Variants in LATS1 observed in about 807,000 individuals in gnomAD.
LATS1 encodes the protein large tumor suppressor kinase 1.
A neutral mutation model predicts 106.6 loss-of-function variants in LATS1; 25 were observed. The observed-to-expected ratio is 0.23, with a 90% CI of 0.17 to 0.33. The LOEUF is 0.33. Ranked by LOEUF, LATS1 falls within the 10% of genes least tolerant of loss-of-function variation. LATS1 has a pLI of 1.00. For missense variants in LATS1, 1,040 were observed against 1,382.6 expected, an observed-to-expected ratio of 0.75 and a Z score of 3.93; for synonymous variants, 465 against 455.6, an observed-to-expected ratio of 1.02 and a Z score of -0.26.
chr6:149,689,265 G>A (rs914525635), intron 3 of LATS1, among the ~76,000 whole-genome samples: 1 of 152,000 alleles, frequency 6.6e-6, no homozygotes, highest in Non-Finnish European at 1.5e-5. Flanking sequence ...TAAATGAAGG[G>A]GGAAAGTGGT....
intron 7 of LATS1, among the ~76,000 whole-genome samples, chr6:149,672,039 C>A (rs1241960728): frequency 6.6e-6 from 1 of 151,446 alleles, no homozygotes; most frequent in Non-Finnish European, 1.5e-5. Flanking sequence ...CAGGTGTGTG[C>A]AGCCACACCC....
chr6:149,672,048 C>A (rs961021321), intron 7 of LATS1, among the ~76,000 whole-genome samples: 7 of 151,548 alleles, frequency 4.6e-5, no homozygotes, highest in Non-Finnish European at 1.0e-4. Context: ...GCAGCCACAC[C>A]CAGCTAATTT....
chr6:149,693,339 C>T (rs189072114), intron 3 of LATS1, among the ~76,000 whole-genome samples: 17 of 150,100 alleles, frequency 1.1e-4, no homozygotes, highest in Admixed American at 7.3e-4. Flanking sequence ...AGGCCAGGCG[C>T]GGTGGCTCAT....
At position 149,670,685 on chromosome 6, in the gene LATS1, C is replaced by T. The variant is rs111693514; in HGVS notation, c.2883+5575G>A. 7.7e-3 allele frequency among the ~76,000 whole-genome samples: 1,178 copies of T among 152,148 alleles called. 9 individuals carry two copies. Among genetic ancestry groups the T allele is most frequent in the Middle Eastern group, 0.027 (8 of 294 alleles). On this transcript the variant is annotated intron_variant, in intron 7 of 7. Transcript: ENST00000543571. Reference sequence around the variant, plus strand: ...AGCACAGATGCCTGCCTTTCTTTGACCTGCTCTGGCAGATTTAAAGAGACA... The same window carrying T: ...AGCACAGATGCCTGCCTTTCTTTGATCTGCTCTGGCAGATTTAAAGAGACA...
chr6:149,697,273 CT>C, intron 2 of LATS1: 2 of 605,508 alleles, frequency 3.3e-6, no homozygotes, highest in Non-Finnish European at 5.4e-6. Flanking sequence ...TCATTTCTCC[CT>C]TTCTTAGAAA....
rs1415914596 is a variant in LATS1, at chr6:149,658,377, ATACT to A, written c.*3348_*3351del. The A allele has an allele frequency of 2.6e-5, 4 of 152,190 alleles. No homozygotes were observed. Among genetic ancestry groups the A allele is most frequent in the African/African-American group, 9.6e-5 (4 of 41,456 alleles). 9.4% of individuals were successfully genotyped at this position (152,190 alleles called of 1,614,324 possible). A position where few individuals can be genotyped will look rare whatever the true frequency, so the allele number is the denominator to read the frequency against. The stretch of plus-strand genomic sequence containing the variant: ...GCCACTGATTCAATTTTAATACAAA[ATACT>A]TATATACACAATACAATATAAAAGT... On this transcript the variant is annotated 3_prime_UTR_variant, in exon 8 of 8. Coordinates refer to ENST00000543571, the MANE Select transcript of LATS1 (RefSeq NM_004690.4).
At chr6:149,698,454 C>T (rs955119051) in intron 2 of LATS1, among the ~76,000 whole-genome samples, 2 of 152,068 alleles carry the variant, frequency 1.3e-5, no homozygotes, top group African/African-American at 4.8e-5. Flanking sequence ...CTATGTTGCC[C>T]AGGCTGGACT....
At chr6:149,713,387 C>G (rs763011849) in intron 1 of LATS1, among the ~76,000 whole-genome samples, 5 of 151,976 alleles carry the variant, frequency 3.3e-5, no homozygotes, top group Admixed American at 3.3e-4. Context: ...CTCTGCCTCC[C>G]GGGTTCAAGC....
At chr6:149,696,630 A>G (rs1011462371) in intron 2 of LATS1, among the ~76,000 whole-genome samples, 1 of 151,510 alleles carries the variant, frequency 6.6e-6, no homozygotes. Flanking sequence ...TATTAAGCAC[A>G]TTGCCATTGT....
At chr6:149,673,759 T>C (rs1781564927) in intron 7 of LATS1, among the ~76,000 whole-genome samples, 1 of 151,402 alleles carries the variant, frequency 6.6e-6, no homozygotes, top group Non-Finnish European at 1.5e-5. Flanking sequence ...CTGCAACCTC[T>C]GCCTCCCAGG....
At chr6:149,683,031 A>G (rs533918689) in intron 4 of LATS1, 48 bp downstream of exon 4, 16 of 1,446,496 alleles carry the variant, frequency 1.1e-5, no homozygotes, top group African/African-American at 2.8e-5. Flanking sequence ...ATAAACACCA[A>G]GCAAACAGAT....
intron 1 of LATS1, among the ~76,000 whole-genome samples, chr6:149,704,876 G>T (rs1221981758): frequency 8.4e-6 from 1 of 118,554 alleles, no homozygotes; most frequent in Non-Finnish European, 1.6e-5. Context: ...TATATTTATA[G>T]AAATTAATTA....
At chr6:149,670,028 C>T (rs1396939672) in intron 7 of LATS1, among the ~76,000 whole-genome samples, 3 of 151,194 alleles carry the variant, frequency 2.0e-5, no homozygotes, top group African/African-American at 7.3e-5. Context: ...AAAAATTAGC[C>T]AGGTGTTGGG....
At chr6:149,706,536 A>C (rs981640221) in intron 1 of LATS1, among the ~76,000 whole-genome samples, 1 of 152,020 alleles carries the variant, frequency 6.6e-6, no homozygotes, top group African/African-American at 2.4e-5. Context: ...TCCCCTTCCT[A>C]ATCTTCTCTG....
At chr6:149,676,882 G>A (rs991581275) in intron 5 of LATS1, 145 bp from the exon 6 acceptor site, 4 of 671,682 alleles carry the variant, frequency 6.0e-6, no homozygotes, top group African/African-American at 1.8e-5. Context: ...AATCACTGAT[G>A]GTGTTTATTA....
In LATS1 at chr6:149,661,625, AT is replaced by A; in HGVS notation, c.*103del. ...ATAAAATATTGTACACAGAGCACAC[AT>A]ATATAGCTCTGTCATATTTGCATAA... On this transcript the variant is annotated 3_prime_UTR_variant, in exon 8 of 8. Coordinates refer to ENST00000543571, the MANE Select transcript of LATS1 (RefSeq NM_004690.4). 2.3e-6 allele frequency: 2 copies of A among 876,088 alleles called. No homozygotes were observed. Among genetic ancestry groups the A allele is most frequent in the South Asian group, 3.6e-5 (2 of 55,620 alleles). 54.3% of individuals were successfully genotyped at this position (876,088 alleles called of 1,614,324 possible). A position where few individuals can be genotyped will look rare whatever the true frequency, so the allele number is the denominator to read the frequency against.
chr6:149,685,594 G>A (rs1005625110), intron 3 of LATS1, among the ~76,000 whole-genome samples: 19 of 152,018 alleles, frequency 1.2e-4, no homozygotes, highest in Non-Finnish European at 2.8e-4. Context: ...CCATGTTAGC[G>A]AGGCTGGTCT....
At chr6:149,709,761 C>T (rs1002170322) in intron 1 of LATS1, among the ~76,000 whole-genome samples, 2 of 149,912 alleles carry the variant, frequency 1.3e-5, no homozygotes, top group East Asian at 2.0e-4. Flanking sequence ...CCACAATCTC[C>T]GCCTCCCGGT....
chr6:149,666,938 T>A (rs1781183825), intron 7 of LATS1, among the ~76,000 whole-genome samples: 1 of 140,278 alleles, frequency 7.1e-6, no homozygotes, highest in Admixed American at 7.2e-5. Context: ...AGTGAGACTC[T>A]GTCTCAAAAA....
Sources: allele counts gnomAD v4.1 joint callset (sites outside exome capture counted in the v4.1 genomes callset), GRCh38; gene constraint gnomAD v4.1.1; transcripts MANE v1.5; gene names NCBI Gene and HGNC (gene_info 2026-07-23, HGNC 2026-07-21).